FRAS1: variants seen among roughly 807,000 people sequenced by gnomAD.
The protein encoded by FRAS1 is extracellular matrix organizing protein FRAS1.
In FRAS1, 290 loss-of-function variants were observed where a neutral mutation model predicts 435.2. The observed-to-expected ratio is 0.67, with a 90% confidence interval of 0.61 to 0.73. FRAS1 has a LOEUF of 0.73. Ranked by LOEUF, FRAS1 falls within the 30% of genes least tolerant of loss-of-function variation. The pLI is 0.00. For synonymous variants in FRAS1, 1,800 were observed against 1,851.0 expected (o/e 0.97, Z 0.71); for missense variants, 4,860 against 5,001.5 (o/e 0.97, Z 0.85).
Position 78,219,402 on chromosome 4 carries a change from A to G in FRAS1, c.109-18108A>G, listed in dbSNP as rs530774904. Among the ~76,000 whole-genome samples the G allele has an allele frequency of 1.2e-4, 19 of 152,348 alleles. No homozygotes were observed. The South Asian group carries it at 3.9e-3, about 32-fold the overall frequency. ...AAAAATGTATTATCTGCTTATAAAC[A>G]GTGGAAGTAGAACCACAAATAATAT... On this transcript the variant is annotated intron_variant, in intron 2 of 73. Transcript: ENST00000512123.
intron 35 of FRAS1, among the ~76,000 whole-genome samples, chr4:78,427,044 C>A (rs904779747): frequency 2.0e-5 from 3 of 152,160 alleles, no homozygotes; most frequent in African/African-American, 7.2e-5. Flanking sequence ...AATGTCCCTT[C>A]CCAAACTCAT....
intron 63 of FRAS1, among the ~76,000 whole-genome samples, chr4:78,509,475 C>G (rs191718102): frequency 1.5e-3 from 227 of 152,306 alleles, no homozygotes; most frequent in African/African-American, 5.3e-3. Context: ...TACCACATTT[C>G]TGTAATGCAG....
chr4:78,065,691 T>C (rs998823175), intron 1 of FRAS1, among the ~76,000 whole-genome samples: 6 of 152,204 alleles, frequency 3.9e-5, no homozygotes. Flanking sequence ...TGCTGACTTA[T>C]CACCAAGAAA....
chr4:78,214,586 T>G (rs1300947439), intron 2 of FRAS1, among the ~76,000 whole-genome samples: 1 of 152,194 alleles, frequency 6.6e-6, no homozygotes, highest in African/African-American at 2.4e-5. Context: ...ACAGCACAGT[T>G]TGTGGGTACC....
intron 13 of FRAS1, among the ~76,000 whole-genome samples, chr4:78,285,793 A>T (rs577828069): frequency 2.0e-5 from 3 of 152,276 alleles, no homozygotes; most frequent in African/African-American, 7.2e-5. Flanking sequence ...GAGGGTGGTT[A>T]TAAGGATCAA....
At chr4:78,458,957 G>A (rs1287334653) in intron 47 of FRAS1, among the ~76,000 whole-genome samples, 1 of 152,174 alleles carries the variant, frequency 6.6e-6, no homozygotes, top group Non-Finnish European at 1.5e-5. Flanking sequence ...AGCAAAGCAG[G>A]TGTTCTGATC....
chr4:78,169,552 C>T (rs959422535), intron 2 of FRAS1, among the ~76,000 whole-genome samples: 32 of 152,162 alleles, frequency 2.1e-4, no homozygotes, highest in African/African-American at 7.5e-4. Flanking sequence ...CTAACCACAA[C>T]GTATAGCACA....
intron 2 of FRAS1, among the ~76,000 whole-genome samples, chr4:78,102,716 A>T (rs1411905922): frequency 6.6e-6 from 1 of 152,218 alleles, no homozygotes; most frequent in Admixed American, 6.5e-5. Flanking sequence ...CTATCACATT[A>T]CTATGGGTTT....
intron 2 of FRAS1, among the ~76,000 whole-genome samples, chr4:78,112,250 CA>C (rs1311922911): frequency 6.6e-6 from 1 of 152,056 alleles, no homozygotes; most frequent in East Asian, 1.9e-4. Flanking sequence ...AAAGTCATGT[CA>C]AAAGCTAGCT....
At chr4:78,202,231 G>C (rs965524100) in intron 2 of FRAS1, among the ~76,000 whole-genome samples, 8 of 152,124 alleles carry the variant, frequency 5.3e-5, no homozygotes, top group Non-Finnish European at 1.0e-4. Flanking sequence ...ATGGAGGTTT[G>C]GCATTACCTG....
At position 78,307,810 on chromosome 4, in the gene FRAS1, C is replaced by T. The variant is rs540603501; in HGVS notation, c.1535-256C>T. ...CTCAGATGGAAATGCAGAAATCACC[C>T]GTCTTCTGCGTTGCTCACGTTGGGA... On this transcript the variant is annotated intron_variant, in intron 14 of 73. Transcript: ENST00000512123. 4.0e-3 allele frequency among the ~76,000 whole-genome samples: 604 copies of T among 152,320 alleles called. 6 individuals are homozygous for T. The highest frequency in any genetic ancestry group is 0.014 in the African/African-American group (564 of 41,572).
At chr4:78,275,585 G>T (rs1726968407) in intron 9 of FRAS1, among the ~76,000 whole-genome samples, 1 of 152,136 alleles carries the variant, frequency 6.6e-6, no homozygotes, top group African/African-American at 2.4e-5. Context: ...GCTTAGTTTG[G>T]CTGGATATGA....
intron 13 of FRAS1, 153 bp from the exon 14 acceptor site, chr4:78,286,252 T>C: frequency 1.2e-6 from 1 of 816,730 alleles, no homozygotes; most frequent in Non-Finnish European, 2.1e-6. Flanking sequence ...AACTGTGTGC[T>C]ATACAGATGA....
At chr4:78,434,126 T>C (rs950216842) in intron 38 of FRAS1, among the ~76,000 whole-genome samples, 1 of 152,160 alleles carries the variant, frequency 6.6e-6, no homozygotes, top group African/African-American at 2.4e-5. Context: ...TGTAGAAAGA[T>C]TGGAAAAGCC....
chr4:78,515,646 C>T (rs564589251), intron 65 of FRAS1, among the ~76,000 whole-genome samples, 153 bp from the exon 66 acceptor site: 4 of 152,320 alleles, frequency 2.6e-5, no homozygotes, highest in African/African-American at 9.6e-5. Context: ...CCCTCACATT[C>T]TCCCTGCACA....
At chr4:78,252,588 T>C (rs1486587037) in intron 5 of FRAS1, 37 bp downstream of exon 5, 3 of 1,588,122 alleles carry the variant, frequency 1.9e-6, no homozygotes, top group African/African-American at 1.3e-5. Flanking sequence ...CCTCTTTGCT[T>C]GGGAGGTTCA....
chr4:78,373,701 GGAGGCA>G (rs1232039905), intron 24 of FRAS1, among the ~76,000 whole-genome samples: 1 of 151,904 alleles, frequency 6.6e-6, no homozygotes, highest in East Asian at 1.9e-4. Context: ...CTTGAACCCG[GGAGGCA>G]GAGGTTGCGG....
At chr4:78,083,858 C>CT (rs1269869968) in intron 2 of FRAS1, among the ~76,000 whole-genome samples, 1 of 151,978 alleles carries the variant, frequency 6.6e-6, no homozygotes, top group Non-Finnish European at 1.5e-5. Context: ...TGTTGATACT[C>CT]TATCATTGCT....
intron 1 of FRAS1, among the ~76,000 whole-genome samples, chr4:78,065,468 C>A (rs960204709): frequency 2.0e-5 from 3 of 151,796 alleles, no homozygotes; most frequent in African/African-American, 7.3e-5. Flanking sequence ...ATCTGGTGGG[C>A]AGAAGTTTCA....
Sources: gnomAD v4.1 joint callset for allele counts (sites outside exome capture counted in the v4.1 genomes callset) on GRCh38, gnomAD v4.1.1 for gene constraint, MANE v1.5 for transcripts, NCBI Gene and HGNC (gene_info 2026-07-23, HGNC 2026-07-21) for gene names.